KAZN: variants seen among roughly 807,000 people sequenced by gnomAD.
KAZN encodes kazrin, periplakin interacting protein.
A neutral mutation model predicts 87.4 loss-of-function variants in KAZN; 40 were observed. The ratio of observed to expected loss-of-function variants is 0.46; its 90% CI spans 0.36 to 0.60. KAZN has a LOEUF of 0.60. Ranked by LOEUF, KAZN falls within the 20% of genes least tolerant of loss-of-function variation. The pLI, the probability that KAZN is intolerant of heterozygous loss-of-function variation, is 0.00. For missense variants in KAZN, 898 were observed against 1,073.9 expected, an observed-to-expected ratio of 0.84 and a Z score of 2.29; for synonymous variants, 466 against 458.3, an observed-to-expected ratio of 1.02 and a Z score of -0.22.
intron 13 of KAZN, among the ~76,000 whole-genome samples, 168 bp downstream of exon 13, chr1:15,104,357 G>T (rs1641221542): frequency 6.6e-6 from 1 of 152,212 alleles, no homozygotes; most frequent in Admixed American, 6.5e-5. Flanking sequence ...AAGGCTCAGA[G>T]AAGCAAAGTG....
intron 2 of KAZN, among the ~76,000 whole-genome samples, chr1:14,543,036 T>C (rs1672912388): frequency 6.6e-6 from 1 of 152,168 alleles, no homozygotes; most frequent in African/African-American, 2.4e-5. Flanking sequence ...TCACATGTTA[T>C]TGGCTGGCCA....
chr1:14,415,687 G>A (rs1203371394), intron 2 of KAZN, among the ~76,000 whole-genome samples: 1 of 152,172 alleles, frequency 6.6e-6, no homozygotes, highest in Non-Finnish European at 1.5e-5. Context: ...GTGTTGTGCA[G>A]TTTCCTATGG....
At chr1:14,752,928 C>T (rs1644453397) in intron 1 of KAZN, among the ~76,000 whole-genome samples, 1 of 152,218 alleles carries the variant, frequency 6.6e-6, no homozygotes, top group African/African-American at 2.4e-5. Flanking sequence ...ATTTGGACCA[C>T]TCAGAGGTAA....
chr1:14,905,510 T>C (rs1656419982), intron 1 of KAZN, among the ~76,000 whole-genome samples: 2 of 152,084 alleles, frequency 1.3e-5, no homozygotes, highest in South Asian at 4.1e-4. Flanking sequence ...CAAACAGTAA[T>C]GAGGATGAAC....
chr1:14,945,913 G>C, intron 1 of KAZN: 2 of 985,494 alleles, frequency 2.0e-6, no homozygotes, highest in Non-Finnish European at 2.4e-6. Context: ...GGCATGCCCT[G>C]TGATGGCATC....
chr1:13,919,871 A>G (rs1267452989), intron 1 of KAZN, among the ~76,000 whole-genome samples: 1 of 152,168 alleles, frequency 6.6e-6, no homozygotes, highest in African/African-American at 2.4e-5. Flanking sequence ...ATCTTTTAGA[A>G]GCTTTATTGT....
In KAZN at chr1:14,879,446, G is replaced by T. The variant is rs956185477; in HGVS notation, c.227-81238G>T. On this transcript the variant is annotated intron_variant, in intron 1 of 14. Transcript: ENST00000376030. Reference sequence around the variant, plus strand: ...TGCTTTGTAAACTGCTCAGTGCTACGTACAGGAGTAAATAGTTCTAAGATG... The same window carrying T: ...TGCTTTGTAAACTGCTCAGTGCTACTTACAGGAGTAAATAGTTCTAAGATG... 7.2e-5 allele frequency among the ~76,000 whole-genome samples: 11 copies of T among 152,250 alleles called. No individual in the cohort carries two copies. The South Asian group carries it at 2.3e-3, about 32-fold the overall frequency.
intron 2 of KAZN, among the ~76,000 whole-genome samples, chr1:14,210,433 T>A (rs1186284160): frequency 6.6e-6 from 1 of 152,196 alleles, no homozygotes; most frequent in African/African-American, 2.4e-5. Flanking sequence ...GAGAATGCAC[T>A]AATACAACAC....
At chr1:14,586,736 C>T (rs576595544) in intron 2 of KAZN, among the ~76,000 whole-genome samples, 1 of 152,064 alleles carries the variant, frequency 6.6e-6, no homozygotes, top group African/African-American at 2.4e-5. Context: ...GATAGGGTCT[C>T]GCTTTGTTGC....
At chr1:15,029,363 C>T (rs918319129) in intron 2 of KAZN, among the ~76,000 whole-genome samples, 5 of 152,294 alleles carry the variant, frequency 3.3e-5, no homozygotes, top group Admixed American at 6.5e-5. Flanking sequence ...TGGGGAGAGC[C>T]GCAGGTCCCC....
rs541384707 is a variant in KAZN at position 14,112,387 on chromosome 1, G to T, written c.92-68048G>T. Among the ~76,000 whole-genome samples the T allele has an allele frequency of 1.3e-4, 10 of 78,408 alleles. 1 individual carries two copies. Among genetic ancestry groups the T allele is most frequent in the Admixed American group, 2.4e-4 (2 of 8,330 alleles). The allele number at this position is 78,408 out of a possible 152,430, so 51.4% of individuals were successfully genotyped here. A position where few individuals can be genotyped will look rare whatever the true frequency, so the allele number is the denominator to read the frequency against. On this transcript the variant is annotated intron_variant, in intron 1 of 16. Transcript: ENST00000636203. Reference sequence around the variant, plus strand: ...GAGGACAAACCCACCACCGTTACTTGGGTGAGGAGCTGCCTGCATCCCTCC... The same window carrying T: ...GAGGACAAACCCACCACCGTTACTTTGGTGAGGAGCTGCCTGCATCCCTCC...
chr1:14,278,690 A>G (rs764155371), intron 2 of KAZN, among the ~76,000 whole-genome samples: 18 of 152,206 alleles, frequency 1.2e-4, no homozygotes, highest in African/African-American at 4.3e-4. Context: ...ATGCAAATCA[A>G]GTTCACACAT....
intron 1 of KAZN, among the ~76,000 whole-genome samples, chr1:14,165,721 A>C (rs936100885): frequency 6.6e-6 from 1 of 152,008 alleles, no homozygotes; most frequent in African/African-American, 2.4e-5. Flanking sequence ...CCTCCTTCTC[A>C]CCCCTGAGCA....
chr1:14,794,305 C>A (rs970501562), intron 1 of KAZN, among the ~76,000 whole-genome samples: 1 of 152,226 alleles, frequency 6.6e-6, no homozygotes, highest in African/African-American at 2.4e-5. Flanking sequence ...CCTGTGGCAT[C>A]CAGAATGAAA....
intron 1 of KAZN, among the ~76,000 whole-genome samples, chr1:14,170,589 A>G (rs569767194): frequency 2.3e-4 from 35 of 152,336 alleles, no homozygotes; most frequent in African/African-American, 7.5e-4. Flanking sequence ...ATCCAGTGGC[A>G]TTTAGTACCT....
chr1:14,806,516 T>C (rs983687760), intron 1 of KAZN, among the ~76,000 whole-genome samples: 2 of 152,154 alleles, frequency 1.3e-5, no homozygotes, highest in African/African-American at 2.4e-5. Flanking sequence ...CAATGAGGGG[T>C]TGATTGGCAG....
chr1:14,242,503 A>T (rs1461141672), intron 2 of KAZN, among the ~76,000 whole-genome samples: 3 of 152,248 alleles, frequency 2.0e-5, no homozygotes, highest in Admixed American at 2.0e-4. Context: ...TATATATGGA[A>T]TATCCACTCT....
chr1:14,466,778 C>G (rs1032353203), intron 2 of KAZN, among the ~76,000 whole-genome samples: 1 of 151,892 alleles, frequency 6.6e-6, no homozygotes, highest in Non-Finnish European at 1.5e-5. Flanking sequence ...ACCATCCTGG[C>G]TAACACGGTG....
intron 2 of KAZN, among the ~76,000 whole-genome samples, chr1:14,288,935 A>G (rs1653468087): frequency 1.3e-5 from 2 of 152,144 alleles, no homozygotes; most frequent in Admixed American, 1.3e-4. Flanking sequence ...TAATTTCGTT[A>G]TGTACCCAGT....
Sources: gnomAD v4.1 joint callset for allele counts (sites outside exome capture counted in the v4.1 genomes callset) on GRCh38, gnomAD v4.1.1 for gene constraint, MANE v1.5 for transcripts, NCBI Gene and HGNC (gene_info 2026-07-23, HGNC 2026-07-21) for gene names.